RPS6KA2: variants seen among roughly 807,000 people sequenced by gnomAD.
The protein encoded by RPS6KA2 is ribosomal protein S6 kinase alpha-2.
In RPS6KA2, 42 loss-of-function variants were observed where a neutral mutation model predicts 91.8. The ratio of observed to expected loss-of-function variants is 0.46; its 90% CI spans 0.36 to 0.59. The LOEUF (loss-of-function observed/expected upper bound fraction) is 0.59. RPS6KA2 is among the 20% of genes least tolerant of loss of function. RPS6KA2 has a pLI of 0.00. For synonymous variants in RPS6KA2, 414 were observed against 393.6 expected, an observed-to-expected ratio of 1.05 and a Z score of -0.61; for missense variants, 798 against 978.5, an observed-to-expected ratio of 0.82 and a Z score of 2.46.
chr6:166,556,881 G>T (rs959930943), intron 1 of RPS6KA2, among the ~76,000 whole-genome samples: 1 of 152,186 alleles, frequency 6.6e-6, no homozygotes, highest in South Asian at 2.1e-4. Context: ...ATCCCCTAAT[G>T]AACATTTTCT....
At position 166,437,002 on chromosome 6, in the gene RPS6KA2, T is replaced by C. The variant is rs1779341320; in HGVS notation, c.1333-4512A>G. ...ATGCTGTCAGGAAGTGCTGGCTGCT[T>C]TTCCCTGTAACTTTTTCTGAAAAAA... On this transcript the variant is annotated intron_variant, in intron 14 of 20. Coordinates refer to ENST00000265678, the MANE Select transcript of RPS6KA2 (RefSeq NM_021135.6). This position sits in a 1 kb window ranked among gnomAD's most constrained non-coding sequence, Gnocchi z 4.3. Among the ~76,000 whole-genome samples the C allele has an allele frequency of 6.6e-6, 1 of 152,214 alleles. No homozygotes were observed.
intron 1 of RPS6KA2, among the ~76,000 whole-genome samples, chr6:166,581,276 C>T (rs540208035): frequency 6.6e-5 from 10 of 152,292 alleles, no homozygotes; most frequent in Admixed American, 6.5e-4. Flanking sequence ...CTGCTTTTGA[C>T]AGCATCAGCC....
intron 10 of RPS6KA2, among the ~76,000 whole-genome samples, chr6:166,484,977 A>G (rs1208860159): frequency 6.6e-6 from 1 of 152,220 alleles, no homozygotes; most frequent in Admixed American, 6.5e-5. Context: ...GCATCTTCTC[A>G]TCCTCATCAA....
chr6:166,458,855 A>C (rs1238889043), intron 12 of RPS6KA2, among the ~76,000 whole-genome samples: 1 of 152,240 alleles, frequency 6.6e-6, no homozygotes, highest in Non-Finnish European at 1.5e-5. Context: ...TAATTACCAT[A>C]TATAAAAAAG....
At chr6:166,647,988 A>G (rs933271466) in intron 2 of RPS6KA2, among the ~76,000 whole-genome samples, 8 of 104,652 alleles carry the variant, frequency 7.6e-5, no homozygotes, top group South Asian at 3.2e-4. Context: ...GCTCACACAC[A>G]CGCACATGCT....
chr6:166,709,757 C>T (rs578134849), intron 2 of RPS6KA2, among the ~76,000 whole-genome samples: 95 of 152,310 alleles, frequency 6.2e-4, no homozygotes, highest in African/African-American at 2.2e-3. Context: ...TTTATAGGTG[C>T]GTAAGTGTCC....
chr6:166,518,273 G>T (rs1476335250), intron 3 of RPS6KA2, among the ~76,000 whole-genome samples: 1 of 94,034 alleles, frequency 1.1e-5, no homozygotes, highest in African/African-American at 4.4e-5. Context: ...AAAAAAAAAA[G>T]CAATAACAAA....
At chr6:166,549,653 T>G (rs1783934917) in intron 1 of RPS6KA2, among the ~76,000 whole-genome samples, 1 of 151,794 alleles carries the variant, frequency 6.6e-6, no homozygotes, top group African/African-American at 2.4e-5. Context: ...TGGTTGGTGT[T>G]GGGGGGGTGT....
chr6:166,653,307 C>G (rs1025570385), intron 2 of RPS6KA2, among the ~76,000 whole-genome samples: 29 of 152,156 alleles, frequency 1.9e-4, no homozygotes, highest in Admixed American at 1.0e-3. Context: ...GTAATCCGCC[C>G]GCCTCAGCCT....
At chr6:166,540,411 A>G (rs1281116215) in intron 1 of RPS6KA2, among the ~76,000 whole-genome samples, 2 of 151,414 alleles carry the variant, frequency 1.3e-5, no homozygotes, top group African/African-American at 2.4e-5. Context: ...TCGTCTCCAT[A>G]TCTTCAAGGA....
intron 2 of RPS6KA2, among the ~76,000 whole-genome samples, chr6:166,822,803 A>G (rs76159407): frequency 0.045 from 6,729 of 148,380 alleles, 554 homozygotes; most frequent in East Asian, 0.39. Flanking sequence ...GAATGAATGA[A>G]TGAATGAATG....
intron 1 of RPS6KA2, among the ~76,000 whole-genome samples, chr6:166,606,337 C>T (rs751027995): frequency 5.3e-5 from 8 of 152,124 alleles, no homozygotes; most frequent in Admixed American, 2.0e-4. Context: ...CTTCCTTGCT[C>T]GATTACACAA....
intron 2 of RPS6KA2, among the ~76,000 whole-genome samples, chr6:166,833,618 A>C (rs575399673): frequency 1.3e-5 from 2 of 152,280 alleles, no homozygotes; most frequent in East Asian, 3.9e-4. Flanking sequence ...AGTATGCAAT[A>C]CATAGTATTT....
At chr6:166,700,455 G>A (rs1789475541) in intron 2 of RPS6KA2, among the ~76,000 whole-genome samples, 1 of 151,570 alleles carries the variant, frequency 6.6e-6, no homozygotes, top group South Asian at 2.1e-4. Flanking sequence ...TTAAAAAACG[G>A]TTGGACTTCT....
At chr6:166,816,391 C>CAAAAAAAAAAAAAAAAA (rs61347721) in intron 2 of RPS6KA2, among the ~76,000 whole-genome samples, 5 of 120,012 alleles carry the variant, frequency 4.2e-5, no homozygotes, top group African/African-American at 9.7e-5. Flanking sequence ...ACTAAAAATA[C>CAAAAAAAAAAAAAAAAA]AAAAAAAAAA....
intron 17 of RPS6KA2, among the ~76,000 whole-genome samples, chr6:166,421,134 A>G (rs1778705609): frequency 6.6e-6 from 1 of 152,210 alleles, no homozygotes; most frequent in Non-Finnish European, 1.5e-5. Context: ...TGACCTTCAG[A>G]AGTCACTTAC....
intron 3 of RPS6KA2, among the ~76,000 whole-genome samples, chr6:166,516,066 C>A (rs921618953): frequency 1.3e-5 from 2 of 152,222 alleles, no homozygotes; most frequent in Admixed American, 1.3e-4. Flanking sequence ...CAAAACCAAA[C>A]GGTCCCCTGA....
intron 2 of RPS6KA2, among the ~76,000 whole-genome samples, chr6:166,683,666 A>C (rs1788907800): frequency 6.6e-6 from 1 of 152,206 alleles, no homozygotes; most frequent in South Asian, 2.1e-4. Flanking sequence ...GTCTCTGGAT[A>C]ACTAGGTAGG....
At chr6:166,505,549 G>C (rs1034768177) in intron 5 of RPS6KA2, among the ~76,000 whole-genome samples, 1 of 152,230 alleles carries the variant, frequency 6.6e-6, no homozygotes, top group Non-Finnish European at 1.5e-5. Context: ...AATTCTCTCC[G>C]GTAAGCAGAC....
Sources: allele counts gnomAD v4.1 joint callset (sites outside exome capture counted in the v4.1 genomes callset), GRCh38; gene constraint gnomAD v4.1.1; non-coding constraint Gnocchi (gnomAD v3.1); transcripts MANE v1.5; gene names NCBI Gene and HGNC (gene_info 2026-07-23, HGNC 2026-07-21).